Variants in SPRED2 observed in about 807,000 individuals in gnomAD.
SPRED2 encodes the protein sprouty-related, EVH1 domain-containing protein 2.
In SPRED2, 47 loss-of-function variants were observed where a neutral mutation model predicts 43.0. The observed-to-expected ratio is 1.09, with a 90% CI of 0.87 to 1.40. The LOEUF is 1.40. Ranked by LOEUF, SPRED2 falls within the 40% of genes most tolerant of loss-of-function variation. The pLI, the probability that SPRED2 is intolerant of heterozygous loss-of-function variation, is 0.00. For synonymous variants in SPRED2, 225 were observed against 225.7 expected, an observed-to-expected ratio of 1.00 and a Z score of 0.03; for missense variants, 561 against 586.4, an observed-to-expected ratio of 0.96 and a Z score of 0.45.
chr2:65,410,749 ACT>A (rs1322431123), intron 1 of SPRED2, among the ~76,000 whole-genome samples: 1 of 128,702 alleles, frequency 7.8e-6, no homozygotes, highest in Non-Finnish European at 1.6e-5. Flanking sequence ...ACAGAGCGAG[ACT>A]CTGTCTCAAA....
intron 1 of SPRED2, among the ~76,000 whole-genome samples, chr2:65,386,846 C>G (rs1253725272): frequency 6.6e-6 from 1 of 152,116 alleles, no homozygotes; most frequent in African/African-American, 2.4e-5. Context: ...TGCACATGTA[C>G]CCTAAAACTT....
chr2:65,334,454 C>T, intron 3 of SPRED2, 151 bp downstream of exon 3: 1 of 822,446 alleles, frequency 1.2e-6, no homozygotes, highest in South Asian at 1.8e-5. Flanking sequence ...AATTACTCTC[C>T]TTGGAAATTC....
At chr2:65,358,416 G>A (rs1182368709) in intron 1 of SPRED2, among the ~76,000 whole-genome samples, 2 of 152,078 alleles carry the variant, frequency 1.3e-5, no homozygotes, top group African/African-American at 4.8e-5. Flanking sequence ...TGCAGGCCAA[G>A]AAGAGAAGAG....
chr2:65,392,175 C>CTTTTTTTTTTT (rs70943649), intron 1 of SPRED2, among the ~76,000 whole-genome samples: 1 of 98,726 alleles, frequency 1.0e-5, no homozygotes, highest in Non-Finnish European at 2.1e-5. Context: ...TCCAGAATTT[C>CTTTTTTTTTTT]TTTTTTTTTT....
chr2:65,402,924 A>C (rs569047311), intron 1 of SPRED2, among the ~76,000 whole-genome samples: 1 of 152,372 alleles, frequency 6.6e-6, no homozygotes, highest in South Asian at 2.1e-4. Context: ...AATGATGAGC[A>C]CATTTGGTTG....
chr2:65,402,723 A>G (rs954096014), intron 1 of SPRED2, among the ~76,000 whole-genome samples: 2 of 152,348 alleles, frequency 1.3e-5, no homozygotes, highest in African/African-American at 4.8e-5. Context: ...AGTTAAACTC[A>G]CACCTATGTA....
chr2:65,322,294 A>ATTT (rs1178902612), intron 4 of SPRED2, among the ~76,000 whole-genome samples: 1,056 of 64,860 alleles, frequency 0.016, 104 homozygotes, highest in African/African-American at 0.033. Flanking sequence ...ATATATATAT[A>ATTT]TTTTTTTTTT....
At chr2:65,416,227 G>C (rs992019957) in intron 1 of SPRED2, among the ~76,000 whole-genome samples, 2 of 152,230 alleles carry the variant, frequency 1.3e-5, no homozygotes, top group African/African-American at 2.4e-5. Flanking sequence ...TGGGAGAGAT[G>C]AAGAGTGTTG....
At chr2:65,410,298 A>G (rs1251144420) in intron 1 of SPRED2, among the ~76,000 whole-genome samples, 1 of 152,212 alleles carries the variant, frequency 6.6e-6, no homozygotes, top group African/African-American at 2.4e-5. Context: ...ATGATCTGCA[A>G]GCAGCCTACA....
intron 1 of SPRED2, among the ~76,000 whole-genome samples, chr2:65,360,363 C>T (rs753740599): frequency 2.0e-5 from 3 of 152,204 alleles, no homozygotes; most frequent in African/African-American, 7.2e-5. Flanking sequence ...TGAAAACTGC[C>T]GCACACCCAG....
At chr2:65,374,708 C>G (rs1028433792) in intron 1 of SPRED2, among the ~76,000 whole-genome samples, 7 of 152,192 alleles carry the variant, frequency 4.6e-5, no homozygotes, top group Non-Finnish European at 4.4e-5. Flanking sequence ...TCAGCTCTAA[C>G]AGAAATTTTA....
intron 1 of SPRED2, among the ~76,000 whole-genome samples, chr2:65,406,252 A>AGGATT: frequency 6.6e-6 from 1 of 152,318 alleles, no homozygotes; most frequent in East Asian, 1.9e-4. Context: ...TGCAAAGAAA[A>AGGATT]TGCTGAGAAG....
chr2:65,395,733 C>T (rs552389612), intron 1 of SPRED2, among the ~76,000 whole-genome samples: 1 of 152,256 alleles, frequency 6.6e-6, no homozygotes, highest in East Asian at 1.9e-4. Flanking sequence ...GTATCGGGCA[C>T]CTGGGATAGT....
In SPRED2 at chr2:65,313,372, C is replaced by G. The variant is rs1673124890; in HGVS notation, c.*129G>C. 1 of 1,497,242 alleles carries G rather than the reference C, an allele frequency of 6.7e-7. No individual in the cohort carries two copies. The highest frequency in any genetic ancestry group is 8.8e-7 in the Non-Finnish European group (1 of 1,132,256). 92.7% of individuals were successfully genotyped at this position (1,497,242 alleles called of 1,614,324 possible). On this transcript the variant is annotated 3_prime_UTR_variant, in exon 6 of 6. Transcript: ENST00000356388. ...CTGGCTGGAATGGTGCCTCGAGGTA[C>G]CAGGGAGCTGGGAGGCCGCTTGCCC...
At chr2:65,324,548 T>C (rs113268334) in intron 4 of SPRED2, among the ~76,000 whole-genome samples, 2,449 of 152,282 alleles carry the variant, frequency 0.016, 65 homozygotes, top group African/African-American at 0.056. Context: ...ATATGATCTC[T>C]TGTTCTTGGA....
chr2:65,385,583 T>C (rs1675475997), intron 1 of SPRED2, among the ~76,000 whole-genome samples: 1 of 152,172 alleles, frequency 6.6e-6, no homozygotes, highest in Non-Finnish European at 1.5e-5. Context: ...TTCACCTTCC[T>C]GGTCTGATAC....
chr2:65,405,740 G>C (rs1455945109), intron 1 of SPRED2, among the ~76,000 whole-genome samples: 3 of 152,146 alleles, frequency 2.0e-5, no homozygotes. Flanking sequence ...TTTGGTTTGA[G>C]CAAGTATAGT....
In SPRED2 at chr2:65,377,822, G is replaced by C. The variant is rs1396321574; in HGVS notation, c.27-32926C>G. 3 of 413,610 alleles carry C rather than the reference G, an allele frequency of 7.3e-6. No homozygotes were observed. The Admixed American group carries it at 8.0e-5, about 11-fold the overall frequency. 25.6% of individuals were successfully genotyped at this position (413,610 alleles called of 1,614,324 possible). On this transcript the variant is annotated intron_variant, in intron 1 of 5. Transcript: ENST00000356388. ...AAAGAGGAGCCCGGGGGCAGTCCCAGCACTTCTCAGACACAGCCTCCAGCA... is the reference window on the plus strand; with the variant it reads ...AAAGAGGAGCCCGGGGGCAGTCCCACCACTTCTCAGACACAGCCTCCAGCA...
At chr2:65,363,391 C>T (rs1351367569) in intron 1 of SPRED2, among the ~76,000 whole-genome samples, 1 of 152,130 alleles carries the variant, frequency 6.6e-6, no homozygotes, top group African/African-American at 2.4e-5. Flanking sequence ...CACAGAAGTC[C>T]ATGCTGGTTT....
Sources: allele counts gnomAD v4.1 joint callset (sites outside exome capture counted in the v4.1 genomes callset), GRCh38; gene constraint gnomAD v4.1.1; transcripts MANE v1.5; gene names NCBI Gene and HGNC (gene_info 2026-07-23, HGNC 2026-07-21).